The following CCDC71L variants were observed in gnomAD, a reference collection of about 807,000 sequenced individuals.
CCDC71L encodes the protein coiled-coil domain-containing protein 71L.
A neutral mutation model predicts 10.2 loss-of-function variants in CCDC71L; 6 were observed. That is an observed-to-expected ratio of 0.59 (90% CI 0.32 to 1.16). The LOEUF (loss-of-function observed/expected upper bound fraction) is 1.16, where lower values mean the gene tolerates loss of function less well. CCDC71L is among the 50% of genes most tolerant of loss of function. The pLI is 0.05. For missense variants in CCDC71L, 366 were observed against 383.4 expected (o/e 0.95, Z 0.38); for synonymous variants, 204 against 175.5 (o/e 1.16, Z -1.28).
At position 106,655,388 on chromosome 7, in the gene CCDC71L, T is replaced by C. The variant is rs555784990; in HGVS notation, c.*4801A>G. ...TATATCTGACATCCAAAAATGAGTGTGTCAATGCTTCAAATACAAGATTTT... is the reference window on the plus strand; with the variant it reads ...TATATCTGACATCCAAAAATGAGTGCGTCAATGCTTCAAATACAAGATTTT... On this transcript the variant is annotated 3_prime_UTR_variant, in exon 1 of 1. Transcript: ENST00000523505. 1.3e-5 allele frequency among the ~76,000 whole-genome samples: 2 copies of C among 152,332 alleles called. No homozygotes were observed. Among genetic ancestry groups the C allele is most frequent in the African/African-American group, 2.4e-5 (1 of 41,588 alleles).
In CCDC71L at chr7:106,657,460, G is replaced by A. The variant is rs1344194392; in HGVS notation, c.*2729C>T. 1 of 152,156 alleles carries A rather than the reference G, an allele frequency of 6.6e-6. No individual in the cohort carries two copies. The highest frequency in any genetic ancestry group is 1.5e-5 in the Non-Finnish European group (1 of 68,018). The allele number at this position is 152,156 out of a possible 1,614,324, so 9.4% of individuals were successfully genotyped here. On this transcript the variant is annotated 3_prime_UTR_variant, in exon 1 of 1. Coordinates refer to ENST00000523505, the MANE Select transcript of CCDC71L (RefSeq NM_175884.6). ...TAAAAGAGAAGGCAAGAGAATGAAC[G>A]AAGATCATGAGATTTCTTTCAAAAA...
In CCDC71L at chr7:106,660,939, C is replaced by T. The variant is rs1792588031; in HGVS notation, c.-43G>A. The stretch of plus-strand genomic sequence containing the variant: ...CACTCACGCTCGCCGGGTCCCACTA[C>T]TGCCGCCGCCGTCCCAGTCCGCGTT... On this transcript the variant is annotated 5_prime_UTR_variant, in exon 1 of 1. Coordinates refer to ENST00000523505, the MANE Select transcript of CCDC71L (RefSeq NM_175884.6). This position sits in a 1 kb window ranked among gnomAD's most constrained non-coding sequence, Gnocchi z 7.5. 1 of 1,314,788 alleles carries T rather than the reference C, an allele frequency of 7.6e-7. No individual in the cohort carries two copies. Among genetic ancestry groups the T allele is most frequent in the South Asian group, 2.2e-5 (1 of 46,232 alleles). The allele number at this position is 1,314,788 out of a possible 1,614,324, so 81.4% of individuals were successfully genotyped here. A position where few individuals can be genotyped will look rare whatever the true frequency, so the allele number is the denominator to read the frequency against.
rs1201644071 is a variant in CCDC71L, at chr7:106,658,081, T to A, written c.*2108A>T. The A allele has an allele frequency of 1.3e-5, 2 of 152,336 alleles. No homozygotes were observed. Among genetic ancestry groups the A allele is most frequent in the Non-Finnish European group, 2.9e-5 (2 of 68,010 alleles). 9.4% of individuals were successfully genotyped at this position (152,336 alleles called of 1,614,324 possible). On this transcript the variant is annotated 3_prime_UTR_variant, in exon 1 of 1. Coordinates refer to ENST00000523505, the MANE Select transcript of CCDC71L (RefSeq NM_175884.6). Reference sequence around the variant, plus strand: ...AAAACTATATACAATAGTAAAGTTGTACAAATACATTTTTTCCAGGTGCTA... The same window carrying A: ...AAAACTATATACAATAGTAAAGTTGAACAAATACATTTTTTCCAGGTGCTA...
chr7:106,660,424 T>G lies in CCDC71L; in HGVS notation c.473A>C (p.Glu158Ala). The change falls in exon 1 of 1, where the codon GAG becomes GCG. Residue 158 changes from glutamate (E) to alanine (A), a missense_variant. Glu to Ala is a moderately radical substitution (Grantham distance 107). Transcript: ENST00000523505. This position sits in a 1 kb window ranked among gnomAD's most constrained non-coding sequence, Gnocchi z 7.5. ...CACGGGCTTGGCCGGGCAGCTCTCC[T>G]CGGGGGGCGGCGGCGGTGGGGGTGG... Reference protein sequence around the residue: ...RPPPPPPPPPEESCPAKPVAP... With the variant: ...RPPPPPPPPPAESCPAKPVAP... 8.1e-7 allele frequency: 1 copy of G among 1,234,906 alleles called. No individual in the cohort carries two copies. Among genetic ancestry groups the G allele is most frequent in the African/African-American group, 1.6e-5 (1 of 64,042 alleles). 76.5% of individuals were successfully genotyped at this position (1,234,906 alleles called of 1,614,324 possible).
Position 106,660,801 on chromosome 7 carries a change from C to CCCAG in CCDC71L, c.92_95dup (p.Leu33TrpfsTer20). On this transcript the variant is annotated frameshift_variant, in exon 1 of 1. Transcript: ENST00000523505. LOFTEE classifies it high-confidence loss of function. This position sits in a 1 kb window ranked among gnomAD's most constrained non-coding sequence, Gnocchi z 7.5. ...CCACCTTCTCCTCCCGCGCCTCCAA[C>CCCAG]CCAGCCCCGTCTTCTGCCCTAAAGT... is the stretch of plus-strand genomic sequence containing the variant. The CCCAG allele has an allele frequency of 6.5e-7, 1 of 1,545,810 alleles. No individual in the cohort carries two copies. Among genetic ancestry groups the CCCAG allele is most frequent in the South Asian group, 1.2e-5 (1 of 83,746 alleles).
chr7:106,660,260 C>T lies in CCDC71L; in HGVS notation c.637G>A (p.Ala213Thr), dbSNP rs750118387. The T allele has an allele frequency of 4.5e-6, 7 of 1,572,382 alleles. No individual in the cohort carries two copies. The highest frequency in any genetic ancestry group is 6.0e-6 in the Non-Finnish European group (7 of 1,169,392). Residue 213 changes from alanine (A) to threonine (T), a missense_variant, in exon 1 of 1, where the codon GCG becomes ACG. Transcript: ENST00000523505. This position sits in a 1 kb window ranked among gnomAD's most constrained non-coding sequence, Gnocchi z 7.5. The part of the protein sequence containing the change: ...ERSLAAARRR[A>T]RQVLRVNLEP... ...AGGTTCACTCGCAGGACCTGGCGCGCCCTGCGCCGCGCTGCCGCCAGGCTG... is the reference window on the plus strand; with the variant it reads ...AGGTTCACTCGCAGGACCTGGCGCGTCCTGCGCCGCGCTGCCGCCAGGCTG...
At position 106,660,998 on chromosome 7, in the gene CCDC71L, C is replaced by A. The variant is rs1792590186; in HGVS notation, c.-102G>T. On this transcript the variant is annotated 5_prime_UTR_variant, in exon 1 of 1. Transcript: ENST00000523505. This position sits in a 1 kb window ranked among gnomAD's most constrained non-coding sequence, Gnocchi z 7.5. The stretch of plus-strand genomic sequence containing the variant: ...GGCGGCGGCTGCTGCTGGCGTCTCT[C>A]GCTACTTTTCTCGCCTCCGCCGCCG... 1.6e-6 allele frequency: 2 copies of A among 1,285,724 alleles called. No individual in the cohort carries two copies. The highest frequency in any genetic ancestry group is 2.0e-6 in the Non-Finnish European group (2 of 1,017,598). The allele number at this position is 1,285,724 out of a possible 1,614,324, so 79.6% of individuals were successfully genotyped here.
At position 106,659,891 on chromosome 7, in the gene CCDC71L, G is replaced by T. The variant is rs1395250897; in HGVS notation, c.*298C>A. On this transcript the variant is annotated 3_prime_UTR_variant, in exon 1 of 1. Transcript: ENST00000523505. ...AAACGGATCTGCCCCTAAGGTCCTGGAGACGTCTCAATCGGTGGTCAGGAA... is the reference window on the plus strand; with the variant it reads ...AAACGGATCTGCCCCTAAGGTCCTGTAGACGTCTCAATCGGTGGTCAGGAA... 2.6e-6 allele frequency: 1 copy of T among 390,782 alleles called. No homozygotes were observed. Among genetic ancestry groups the T allele is most frequent in the Non-Finnish European group, 4.6e-6 (1 of 216,328 alleles). The allele number at this position is 390,782 out of a possible 1,614,324, so 24.2% of individuals were successfully genotyped here. A position where few individuals can be genotyped will look rare whatever the true frequency, so the allele number is the denominator to read the frequency against.
At position 106,657,493 on chromosome 7, in the gene CCDC71L, C is replaced by T. The variant is rs1413451448; in HGVS notation, c.*2696G>A. The T allele has an allele frequency of 1.3e-5, 2 of 152,158 alleles. No individual in the cohort carries two copies. Among genetic ancestry groups the T allele is most frequent in the African/African-American group, 4.8e-5 (2 of 41,432 alleles). The allele number at this position is 152,158 out of a possible 1,614,324, so 9.4% of individuals were successfully genotyped here. A position where few individuals can be genotyped will look rare whatever the true frequency, so the allele number is the denominator to read the frequency against. ...TGAGATTTCTTTCAAAAACTATACACAAGCTAAGCTACAGACTTCACTTCA... is the reference window on the plus strand; with the variant it reads ...TGAGATTTCTTTCAAAAACTATACATAAGCTAAGCTACAGACTTCACTTCA... On this transcript the variant is annotated 3_prime_UTR_variant, in exon 1 of 1. Coordinates refer to ENST00000523505, the MANE Select transcript of CCDC71L (RefSeq NM_175884.6).
Position 106,658,406 on chromosome 7 carries a change from T to C in CCDC71L, c.*1783A>G, listed in dbSNP as rs1792527507. 6.6e-6 allele frequency: 1 copy of C among 152,148 alleles called. No homozygotes were observed. The highest frequency in any genetic ancestry group is 1.5e-5 in the Non-Finnish European group (1 of 68,018). The allele number at this position is 152,148 out of a possible 1,614,324, so 9.4% of individuals were successfully genotyped here. A position where few individuals can be genotyped will look rare whatever the true frequency, so the allele number is the denominator to read the frequency against. ...ATTTCTTTTAACAAGAACACTGAAA[T>C]TGAAGTCACAACACTCCTATACGGA... On this transcript the variant is annotated 3_prime_UTR_variant, in exon 1 of 1. Transcript: ENST00000523505.
Position 106,659,575 on chromosome 7 carries a change from C to T in CCDC71L, c.*614G>A, listed in dbSNP as rs1271934702. The T allele has an allele frequency of 6.6e-6, 1 of 152,588 alleles. No individual in the cohort carries two copies. Among genetic ancestry groups the T allele is most frequent in the East Asian group, 1.9e-4 (1 of 5,198 alleles). The allele number at this position is 152,588 out of a possible 1,614,324, so 9.5% of individuals were successfully genotyped here. On this transcript the variant is annotated 3_prime_UTR_variant, in exon 1 of 1. Transcript: ENST00000523505. ...CACTGAGCCCATACAAATCCTTGCACTACTAACAGTCACAAGCTTGAACCT... is the reference window on the plus strand; with the variant it reads ...CACTGAGCCCATACAAATCCTTGCATTACTAACAGTCACAAGCTTGAACCT...
At position 106,660,484 on chromosome 7, in the gene CCDC71L, C is replaced by G. The variant is rs896695000; in HGVS notation, c.413G>C (p.Arg138Pro). 6 of 1,226,114 alleles carry G rather than the reference C, an allele frequency of 4.9e-6. No homozygotes were observed. Among genetic ancestry groups the G allele is most frequent in the East Asian group, 3.3e-5 (1 of 30,170 alleles). 76.0% of individuals were successfully genotyped at this position (1,226,114 alleles called of 1,614,324 possible). A position where few individuals can be genotyped will look rare whatever the true frequency, so the allele number is the denominator to read the frequency against. Residue 138 changes from arginine to proline, a missense_variant, in exon 1 of 1, where the codon CGG becomes CCG. Arg to Pro is a moderately radical substitution (Grantham distance 103). Coordinates refer to ENST00000523505, the MANE Select transcript of CCDC71L (RefSeq NM_175884.6). The surrounding 1 kb of genome is among the most constrained non-coding windows in gnomAD (Gnocchi z 7.5). Reference protein sequence around the residue: ...AAARRRRRGARAAAARRRKPR... With the variant: ...AAARRRRRGAPAAAARRRKPR... ...CTTCCTCCTGCGGGCAGCGGCCGCC[C>G]GGGCTCCGCGGCGCCTCCTCCTGGC...
chr7:106,655,087 A>G lies in CCDC71L; in HGVS notation c.*5102T>C, dbSNP rs1038451516. Among the ~76,000 whole-genome samples the G allele has an allele frequency of 2.6e-5, 4 of 152,120 alleles. No individual in the cohort carries two copies. Among genetic ancestry groups the G allele is most frequent in the African/African-American group, 4.8e-5 (2 of 41,442 alleles). The stretch of plus-strand genomic sequence containing the variant: ...GTGTTTTTATGATTATTACTTTCCA[A>G]TTGGGCTTTAGATATGTTTATTATG... On this transcript the variant is annotated 3_prime_UTR_variant, in exon 1 of 1. Coordinates refer to ENST00000523505, the MANE Select transcript of CCDC71L (RefSeq NM_175884.6).
Position 106,656,572 on chromosome 7 carries a change from G to A in CCDC71L, c.*3617C>T, listed in dbSNP as rs954109929. Among the ~76,000 whole-genome samples the A allele has an allele frequency of 5.9e-5, 9 of 151,306 alleles. No homozygotes were observed. Among genetic ancestry groups the A allele is most frequent in the East Asian group, 1.9e-4 (1 of 5,184 alleles). ...GCTTGTAGCGCCATCCTAAAAATTC[G>A]CTAGATAATTAAAGAATTGATGGAA... is the stretch of plus-strand genomic sequence containing the variant. On this transcript the variant is annotated 3_prime_UTR_variant, in exon 1 of 1. Coordinates refer to ENST00000523505, the MANE Select transcript of CCDC71L (RefSeq NM_175884.6).
chr7:106,660,328 G>A lies in CCDC71L; in HGVS notation c.569C>T (p.Thr190Ile), dbSNP rs1230695685. The A allele has an allele frequency of 3.3e-6, 5 of 1,510,138 alleles. No homozygotes were observed. The South Asian group carries it at 3.7e-5, about 11-fold the overall frequency. 93.5% of individuals were successfully genotyped at this position (1,510,138 alleles called of 1,614,324 possible). The change falls in exon 1 of 1, where the codon ACC (threonine) becomes ATC (isoleucine). Residue 190 changes from threonine (T) to isoleucine (I), a missense_variant. Physicochemically the swap from Thr to Ile is moderately conservative, Grantham distance 89 (BLOSUM62 -1). Transcript: ENST00000523505. The surrounding 1 kb of genome is among the most constrained non-coding windows in gnomAD (Gnocchi z 7.5). ...GCTGCCGACGCGGATGGTGGGGAAG[G>A]TGGTCAGCGTCGGGGTGGCCGCCCT... ...IWRAATPTLT[T>I]FPTIRVGSDV...
rs1562909243 is a variant in CCDC71L, at chr7:106,660,782, T to G, written c.115A>C (p.Lys39Gln). ...DGAGLEAREEKVVYSRSQLSL... is the reference protein window; with the variant it reads ...DGAGLEAREEQVVYSRSQLSL... The stretch of plus-strand genomic sequence containing the variant: ...AGTTGCGACCGCGAGTACACCACCT[T>G]CTCCTCCCGCGCCTCCAACCCAGCC... The change falls in exon 1 of 1, where the codon AAG becomes CAG. Residue 39 changes from lysine (K) to glutamine (Q), a missense_variant. Lys to Gln is a moderately conservative substitution (Grantham distance 53). Transcript: ENST00000523505. This position sits in a 1 kb window ranked among gnomAD's most constrained non-coding sequence, Gnocchi z 7.5. 6.5e-7 allele frequency: 1 copy of G among 1,548,138 alleles called. No individual in the cohort carries two copies. The highest frequency in any genetic ancestry group is 8.7e-7 in the Non-Finnish European group (1 of 1,145,956).
Position 106,660,631 on chromosome 7 carries a change from G to C in CCDC71L, c.266C>G (p.Ser89Cys). The part of the protein sequence containing the change: ...SFLCSLKHQF[S>C]PHILRSKDVY... ...GTCCTTGCTGCGCAGGATGTGCGGG[G>C]AGAACTGGTGCTTGAGGCTGCAGAG... is the stretch of plus-strand genomic sequence containing the variant. The change falls in exon 1 of 1, where the codon TCC (serine) becomes TGC (cysteine). Residue 89 changes from serine to cysteine, a missense_variant. Coordinates refer to ENST00000523505, the MANE Select transcript of CCDC71L (RefSeq NM_175884.6). This position sits in a 1 kb window ranked among gnomAD's most constrained non-coding sequence, Gnocchi z 7.5. 6.3e-7 allele frequency: 1 copy of C among 1,590,290 alleles called. No individual in the cohort carries two copies. The highest frequency in any genetic ancestry group is 8.6e-7 in the Non-Finnish European group (1 of 1,168,826).
rs150123439 is a variant in CCDC71L, at chr7:106,656,469, G to C, written c.*3720C>G. On this transcript the variant is annotated 3_prime_UTR_variant, in exon 1 of 1. Transcript: ENST00000523505. Reference sequence around the variant, plus strand: ...TCGTCACAGGGGCACCTCGGGTCAGGATTTAGAGAATTCTGAATTTTGATG... The same window carrying C: ...TCGTCACAGGGGCACCTCGGGTCAGCATTTAGAGAATTCTGAATTTTGATG... Among the ~76,000 whole-genome samples the C allele has an allele frequency of 6.6e-6, 1 of 152,108 alleles. No homozygotes were observed. Among genetic ancestry groups the C allele is most frequent in the Admixed American group, 6.5e-5 (1 of 15,274 alleles).
chr7:106,660,987 C>CTGGCGTCTCTCGCTACTTT lies in CCDC71L; in HGVS notation c.-110_-92dup. ...GTTGGCTCCGCGGCGGCGGCTGCTG[C>CTGGCGTCTCTCGCTACTTT]TGGCGTCTCTCGCTACTTTTCTCGC... On this transcript the variant is annotated 5_prime_UTR_variant, in exon 1 of 1. Transcript: ENST00000523505. The surrounding 1 kb of genome is among the most constrained non-coding windows in gnomAD (Gnocchi z 7.5). 7.7e-7 allele frequency: 1 copy of CTGGCGTCTCTCGCTACTTT among 1,292,960 alleles called. No individual in the cohort carries two copies. Among genetic ancestry groups the CTGGCGTCTCTCGCTACTTT allele is most frequent in the Non-Finnish European group, 9.8e-7 (1 of 1,022,892 alleles). The allele number at this position is 1,292,960 out of a possible 1,614,324, so 80.1% of individuals were successfully genotyped here.
Sources: gnomAD v4.1 joint callset for allele counts (sites outside exome capture counted in the v4.1 genomes callset) on GRCh38, gnomAD v4.1.1 for gene constraint, Gnocchi (gnomAD v3.1) non-coding constraint, MANE v1.5 for transcripts, NCBI Gene and HGNC (gene_info 2026-07-23, HGNC 2026-07-21) for gene names.